TRAF6: variants seen among roughly 807,000 people sequenced by gnomAD.
TRAF6 encodes the protein TNF receptor associated factor 6.
In TRAF6, 10 loss-of-function variants were observed where a neutral mutation model predicts 48.4. The observed-to-expected ratio is 0.21, with a 90% CI of 0.13 to 0.35. TRAF6 has a LOEUF of 0.35. TRAF6 is among the 10% of genes least tolerant of loss of function. The pLI, the probability that TRAF6 is intolerant of heterozygous loss-of-function variation, is 1.00. For synonymous variants in TRAF6, 186 were observed against 219.6 expected (o/e 0.85, Z 1.35); for missense variants, 397 against 661.0 (o/e 0.60, Z 4.38).
rs752593961 is a variant in TRAF6 at position 36,487,732 on chromosome 11, A to G, written c.*2106T>C. The G allele has an allele frequency of 1.3e-5, 2 of 151,950 alleles. No individual in the cohort carries two copies. The highest frequency in any genetic ancestry group is 2.9e-5 in the Non-Finnish European group (2 of 68,002). The allele number at this position is 151,950 out of a possible 1,614,324, so 9.4% of individuals were successfully genotyped here. ...AAAACAACTTTTTTTTTTAATAAAGACTCTTGAGTTAGTAGAAAAAAATAG... is the reference window on the plus strand; with the variant it reads ...AAAACAACTTTTTTTTTTAATAAAGGCTCTTGAGTTAGTAGAAAAAAATAG... On this transcript the variant is annotated 3_prime_UTR_variant, in exon 7 of 7. Coordinates refer to ENST00000526995, the MANE Select transcript of TRAF6 (RefSeq NM_004620.4).
Position 36,489,827 on chromosome 11 carries a change from G to C in TRAF6, c.*11C>G. On this transcript the variant is annotated 3_prime_UTR_variant, in exon 7 of 7. Coordinates refer to ENST00000526995, the MANE Select transcript of TRAF6 (RefSeq NM_004620.4). ...TCTCCAGGTAGTTGTTTTTGAGCAA[G>C]TGAGGGCAAGCTATACCCCTGCATC... The C allele has an allele frequency of 1.2e-6, 2 of 1,600,264 alleles. No individual in the cohort carries two copies. Among genetic ancestry groups the C allele is most frequent in the Non-Finnish European group, 1.7e-6 (2 of 1,171,522 alleles).
At chr11:36,508,109 C>G (rs1859832262) in intron 1 of TRAF6, among the ~76,000 whole-genome samples, 1 of 152,018 alleles carries the variant, frequency 6.6e-6, no homozygotes, top group Middle Eastern at 3.2e-3. Flanking sequence ...TCCCGAAGTG[C>G]TGGGATTACA....
intron 6 of TRAF6, among the ~76,000 whole-genome samples, chr11:36,491,461 C>G (rs997338834): frequency 1.3e-4 from 20 of 152,060 alleles, no homozygotes; most frequent in Non-Finnish European, 8.8e-5. Flanking sequence ...ACAACCATAC[C>G]ATTTTGCTCA....
rs114421877 is a variant in TRAF6 at position 36,501,850 on chromosome 11, G to A, written c.-22-313C>T. ...AGCATATAAAGTTAAAAAAGGAGAA[G>A]CACCTCAGTTGTAATACTCTTCTAT... On this transcript the variant is annotated intron_variant, in intron 1 of 6. Coordinates refer to ENST00000526995, the MANE Select transcript of TRAF6 (RefSeq NM_004620.4). 683 of 178,606 alleles carry A rather than the reference G, an allele frequency of 3.8e-3. 5 individuals are homozygous for A. Among genetic ancestry groups the A allele is most frequent in the African/African-American group, 0.015 (658 of 42,562 alleles). 11.1% of individuals were successfully genotyped at this position (178,606 alleles called of 1,614,324 possible). A position where few individuals can be genotyped will look rare whatever the true frequency, so the allele number is the denominator to read the frequency against.
At position 36,490,986 on chromosome 11, in the gene TRAF6, G is replaced by A. The variant is rs981972422; in HGVS notation, c.757-336C>T. On this transcript the variant is annotated intron_variant, in intron 6 of 6. Transcript: ENST00000526995. The surrounding 1 kb of genome is among the most constrained non-coding windows in gnomAD (Gnocchi z 6.4). ...TCTACCTGTGCTCTAAATGTTACCT[G>A]ACCTGTTGCGACACCCCAGAGATTT... Among the ~76,000 whole-genome samples the A allele has an allele frequency of 7.2e-5, 11 of 152,090 alleles. No homozygotes were observed. The highest frequency in any genetic ancestry group is 2.4e-4 in the African/African-American group (10 of 41,410).
Position 36,490,042 on chromosome 11 carries a change from C to T in TRAF6, c.1365G>A (p.Glu455=). The T allele has an allele frequency of 1.9e-6, 3 of 1,614,216 alleles. No homozygotes were observed. Among genetic ancestry groups the T allele is most frequent in the East Asian group, 2.2e-5 (1 of 44,886 alleles). The change falls in exon 7 of 7, where the codon GAG becomes GAA. Residue 455 remains glutamate (E), a synonymous_variant. Transcript: ENST00000526995. This position sits in a 1 kb window ranked among gnomAD's most constrained non-coding sequence, Gnocchi z 6.4. ...TTGTGGGTCGCTGGAAAGCAAGCAG[C>T]TCTGGTTTGGCATCCATTATCTCTT... ...NHEEIMDAKP[E]LLAFQRPTIP...
At chr11:36,503,576 C>A (rs1859746826) in intron 1 of TRAF6, among the ~76,000 whole-genome samples, 2 of 152,092 alleles carry the variant, frequency 1.3e-5, no homozygotes, top group South Asian at 4.1e-4. Flanking sequence ...ACCCCCGAGC[C>A]CGGCTGTGGT....
In TRAF6 at chr11:36,507,655, ACATACACAC is replaced by A. The variant is rs1859818424; in HGVS notation, c.-23+2384_-23+2392del. Among the ~76,000 whole-genome samples, 2 of 5,050 alleles carry A rather than the reference ACATACACAC, an allele frequency of 4.0e-4. 1 individual carries two copies. The highest frequency in any genetic ancestry group is 4.4e-4 in the African/African-American group (2 of 4,496). The allele number at this position is 5,050 out of a possible 152,430, so 3.3% of individuals were successfully genotyped here. A position where few individuals can be genotyped will look rare whatever the true frequency, so the allele number is the denominator to read the frequency against. On this transcript the variant is annotated intron_variant, in intron 1 of 6. Coordinates refer to ENST00000526995, the MANE Select transcript of TRAF6 (RefSeq NM_004620.4). Reference sequence around the variant, plus strand: ...CATACACGCGCGTGTATATATGTATACATACACACGCGCGTGTATATATGTATACATACA... The same window carrying A: ...CATACACGCGCGTGTATATATGTATAGCGCGTGTATATATGTATACATACA...
In TRAF6 at chr11:36,501,458, A is replaced by G; in HGVS notation, c.58T>C (p.Cys20Arg). The G allele has an allele frequency of 6.2e-7, 1 of 1,614,106 alleles. No homozygotes were observed. Reference sequence around the variant, plus strand: ...CTACAGGAGCTGGCCATGGCCACACAGCAGTCACTTTCAGACTGGCTGGAT... The same window carrying G: ...CTACAGGAGCTGGCCATGGCCACACGGCAGTCACTTTCAGACTGGCTGGAT... ...CGSSQSESDC[C>R]VAMASSCSAV... is the part of the protein sequence containing the mutation. Residue 20 changes from cysteine (C) to arginine (R), a missense_variant, in exon 2 of 7, where the codon TGT becomes CGT. Coordinates refer to ENST00000526995, the MANE Select transcript of TRAF6 (RefSeq NM_004620.4).
chr11:36,509,925 G>A (rs931284570), intron 1 of TRAF6, 123 bp downstream of exon 1: 16 of 152,038 alleles, frequency 1.1e-4, no homozygotes, highest in African/African-American at 3.9e-4. Context: ...CCGACTGGTG[G>A]GAAGCGAGGG....
chr11:36,498,711 C>T, intron 2 of TRAF6, 71 bp from the exon 3 acceptor site: 1 of 1,448,766 alleles, frequency 6.9e-7, no homozygotes, highest in Non-Finnish European at 9.3e-7. Flanking sequence ...CTTTAATTCA[C>T]CATATATAAA....
At position 36,488,506 on chromosome 11, in the gene TRAF6, T is replaced by C. The variant is rs1859518675; in HGVS notation, c.*1332A>G. On this transcript the variant is annotated 3_prime_UTR_variant, in exon 7 of 7. Transcript: ENST00000526995. Reference sequence around the variant, plus strand: ...TCTCTCATTACCAGACAACTTTAAATGGTGGATGGATCTTTAGATCCTTTA... The same window carrying C: ...TCTCTCATTACCAGACAACTTTAAACGGTGGATGGATCTTTAGATCCTTTA... The C allele has an allele frequency of 6.5e-6, 1 of 152,820 alleles. No homozygotes were observed. The highest frequency in any genetic ancestry group is 6.6e-5 in the Admixed American group (1 of 15,256). 9.5% of individuals were successfully genotyped at this position (152,820 alleles called of 1,614,324 possible). A position where few individuals can be genotyped will look rare whatever the true frequency, so the allele number is the denominator to read the frequency against.
In TRAF6 at chr11:36,490,769, A is replaced by C; in HGVS notation, c.757-119T>G. The stretch of plus-strand genomic sequence containing the variant: ...CACACCACTTCCCTCAATTCTCTAC[A>C]ATTTTCCTTTGCCTTCAACAGATTC... On this transcript the variant is annotated intron_variant, in intron 6 of 6. Coordinates refer to ENST00000526995, the MANE Select transcript of TRAF6 (RefSeq NM_004620.4). The surrounding 1 kb of genome is among the most constrained non-coding windows in gnomAD (Gnocchi z 6.4). 1 of 893,058 alleles carries C rather than the reference A, an allele frequency of 1.1e-6. No homozygotes were observed. Among genetic ancestry groups the C allele is most frequent in the Non-Finnish European group, 1.7e-6 (1 of 601,658 alleles). The allele number at this position is 893,058 out of a possible 1,614,324, so 55.3% of individuals were successfully genotyped here.
intron 3 of TRAF6, among the ~76,000 whole-genome samples, chr11:36,497,884 A>AT (rs796280710): frequency 0.018 from 2,491 of 137,948 alleles, 62 homozygotes; most frequent in African/African-American, 0.056. Context: ...TGACACTTGT[A>AT]TTTTTTTTTT....
rs1859496544 is a variant in TRAF6, at chr11:36,487,150, TTTC to T, written c.*2685_*2687del. On this transcript the variant is annotated 3_prime_UTR_variant, in exon 7 of 7. Coordinates refer to ENST00000526995, the MANE Select transcript of TRAF6 (RefSeq NM_004620.4). ...CATCTCCAGAAAAAAGTGGAAACAA[TTTC>T]TTTTTTAATTTAGCAATGTCCCAGA... 1 of 152,174 alleles carries T rather than the reference TTTC, an allele frequency of 6.6e-6. No individual in the cohort carries two copies. The highest frequency in any genetic ancestry group is 1.5e-5 in the Non-Finnish European group (1 of 68,030). 9.4% of individuals were successfully genotyped at this position (152,174 alleles called of 1,614,324 possible).
intron 2 of TRAF6, among the ~76,000 whole-genome samples, chr11:36,499,777 G>A (rs1392333259): frequency 6.6e-6 from 1 of 150,418 alleles, no homozygotes; most frequent in Non-Finnish European, 1.5e-5. Flanking sequence ...TTATAGAAAA[G>A]TTAATGTAAA....
rs1314676158 is a variant in TRAF6 at position 36,486,140 on chromosome 11, A to G, written c.*3698T>C. Reference sequence around the variant, plus strand: ...CTGCAACCTGTGCTTCCCGGGTTCAAGCGATTCCCGTGCCTCAGCCTCCCA... The same window carrying G: ...CTGCAACCTGTGCTTCCCGGGTTCAGGCGATTCCCGTGCCTCAGCCTCCCA... On this transcript the variant is annotated 3_prime_UTR_variant, in exon 7 of 7. Coordinates refer to ENST00000526995, the MANE Select transcript of TRAF6 (RefSeq NM_004620.4). Among the ~76,000 whole-genome samples the G allele has an allele frequency of 3.3e-5, 5 of 152,218 alleles. No homozygotes were observed. The highest frequency in any genetic ancestry group is 1.5e-5 in the Non-Finnish European group (1 of 68,030).
rs1859531583 is a variant in TRAF6 at position 36,489,468 on chromosome 11, T to A, written c.*370A>T. ...ATAATACTACAAAAAGACTGAAGTTTTAAGGAAAATCCATTATTATTAAAA... is the reference window on the plus strand; with the variant it reads ...ATAATACTACAAAAAGACTGAAGTTATAAGGAAAATCCATTATTATTAAAA... On this transcript the variant is annotated 3_prime_UTR_variant, in exon 7 of 7. Coordinates refer to ENST00000526995, the MANE Select transcript of TRAF6 (RefSeq NM_004620.4). The A allele has an allele frequency of 1.5e-5, 3 of 200,832 alleles. No individual in the cohort carries two copies. In the South Asian group the frequency reaches 3.4e-4, roughly 23 times the overall value. The allele number at this position is 200,832 out of a possible 1,614,324, so 12.4% of individuals were successfully genotyped here. A position where few individuals can be genotyped will look rare whatever the true frequency, so the allele number is the denominator to read the frequency against.
chr11:36,491,935 C>T (rs1366553270), intron 6 of TRAF6, among the ~76,000 whole-genome samples: 1 of 152,176 alleles, frequency 6.6e-6, no homozygotes, highest in African/African-American at 2.4e-5. Flanking sequence ...TTAAACTCTA[C>T]CTCCAGTCAG....
Sources: gnomAD v4.1 joint callset for allele counts (sites outside exome capture counted in the v4.1 genomes callset) on GRCh38, gnomAD v4.1.1 for gene constraint, Gnocchi (gnomAD v3.1) non-coding constraint, MANE v1.5 for transcripts, NCBI Gene and HGNC (gene_info 2026-07-23, HGNC 2026-07-21) for gene names.